TFCP2L1: variants seen among roughly 807,000 people sequenced by gnomAD.
The protein encoded by TFCP2L1 is transcription factor CP2 like 1.
In TFCP2L1, 12 loss-of-function variants were observed where a neutral mutation model predicts 72.2. The ratio of observed to expected loss-of-function variants is 0.17; its 90% CI spans 0.11 to 0.27. TFCP2L1 has a LOEUF of 0.27. TFCP2L1 is among the 10% of genes least tolerant of loss of function. The probability of loss-of-function intolerance (pLI) is 1.00; values close to 1 mark genes in which losing one functional copy is unlikely to be tolerated. For synonymous variants in TFCP2L1, 260 were observed against 251.0 expected, an observed-to-expected ratio of 1.04 and a Z score of -0.34; for missense variants, 488 against 624.6, an observed-to-expected ratio of 0.78 and a Z score of 2.33.
chr2:121,239,690 C>T lies in TFCP2L1; in HGVS notation c.769-41G>A, dbSNP rs373429177. ...CAGGGCGAGCTGGGATCTGGAGAGGCGCTGAGCCGTGCTCCCCAGGTCCTC... is the reference window on the plus strand; with the variant it reads ...CAGGGCGAGCTGGGATCTGGAGAGGTGCTGAGCCGTGCTCCCCAGGTCCTC... On this transcript the variant is annotated intron_variant, in intron 7 of 14. Coordinates refer to ENST00000263707, the MANE Select transcript of TFCP2L1 (RefSeq NM_014553.3). 162 of 1,584,978 alleles carry T rather than the reference C, an allele frequency of 1.0e-4. 1 individual carries two copies. The highest frequency in any genetic ancestry group is 2.0e-4 in the South Asian group (18 of 88,180).
intron 2 of TFCP2L1, among the ~76,000 whole-genome samples, chr2:121,273,438 T>C (rs1158399515): frequency 2.6e-5 from 4 of 152,188 alleles, no homozygotes; most frequent in Non-Finnish European, 4.4e-5. Flanking sequence ...CAAACCTCTG[T>C]TCAACTCTCT....
intron 2 of TFCP2L1, among the ~76,000 whole-genome samples, chr2:121,259,791 C>A (rs184930006): frequency 2.0e-3 from 306 of 152,104 alleles, no homozygotes; most frequent in Non-Finnish European, 2.8e-3. Flanking sequence ...TAACAATGGG[C>A]AGAGAAGGAC....
chr2:121,266,004 C>T lies in TFCP2L1; in HGVS notation c.214+15116G>A, dbSNP rs12992723. 5.4e-3 allele frequency among the ~76,000 whole-genome samples: 817 copies of T among 151,490 alleles called. 1 individual carries two copies. Among genetic ancestry groups the T allele is most frequent in the Middle Eastern group, 0.017 (5 of 294 alleles). On this transcript the variant is annotated intron_variant, in intron 2 of 14. Coordinates refer to ENST00000263707, the MANE Select transcript of TFCP2L1 (RefSeq NM_014553.3). ...CCTCAGTCTCCTGAGTAGCTAGGAC[C>T]ACAGATTTGTGCCACCACACCTGGC...
intron 2 of TFCP2L1, among the ~76,000 whole-genome samples, chr2:121,270,937 C>T (rs1687034969): frequency 6.7e-6 from 1 of 149,286 alleles, no homozygotes; most frequent in African/African-American, 2.5e-5. Flanking sequence ...CACCTGTAAT[C>T]CCAACACTTT....
chr2:121,230,887 G>A (rs1214428275), intron 13 of TFCP2L1, among the ~76,000 whole-genome samples: 5 of 152,130 alleles, frequency 3.3e-5, no homozygotes, highest in Non-Finnish European at 7.3e-5. Context: ...ACCAGCCTGG[G>A]CAATGCAGCG....
chr2:121,216,716 T>C lies in TFCP2L1; in HGVS notation c.*7625A>G, dbSNP rs1180682072. ...TATTTCAGGTACAAAAACATGGCAG[T>C]AGGACAACTTTGAGCTCAACGCCCA... On this transcript the variant is annotated 3_prime_UTR_variant, in exon 15 of 15. Transcript: ENST00000263707. 1 of 152,138 alleles carries C rather than the reference T, an allele frequency of 6.6e-6. No individual in the cohort carries two copies. Among genetic ancestry groups the C allele is most frequent in the Non-Finnish European group, 1.5e-5 (1 of 68,030 alleles). The allele number at this position is 152,138 out of a possible 1,614,324, so 9.4% of individuals were successfully genotyped here.
chr2:121,271,603 C>T (rs1327877538), intron 2 of TFCP2L1, among the ~76,000 whole-genome samples: 3 of 152,168 alleles, frequency 2.0e-5, no homozygotes, highest in Admixed American at 6.5e-5. Flanking sequence ...TAATCCTTTG[C>T]CTCATTCCTT....
chr2:121,225,536 A>G lies in TFCP2L1; in HGVS notation c.1393+26T>C, dbSNP rs1450184481. 4 of 1,612,562 alleles carry G rather than the reference A, an allele frequency of 2.5e-6. No homozygotes were observed. In the African/African-American group the frequency reaches 4.0e-5, roughly 16 times the overall value. ...CACCCTCTCACCTGCCCCCACAACT[A>G]CCCTAGGGGGAGGGGGAGGCTTCAC... On this transcript the variant is annotated intron_variant, in intron 14 of 14. Coordinates refer to ENST00000263707, the MANE Select transcript of TFCP2L1 (RefSeq NM_014553.3).
chr2:121,255,211 GCA>G (rs1194188056), intron 2 of TFCP2L1, among the ~76,000 whole-genome samples: 2 of 152,206 alleles, frequency 1.3e-5, no homozygotes, highest in African/African-American at 4.8e-5. Context: ...CTTCCATTCT[GCA>G]CACAGATTAA....
Position 121,242,398 on chromosome 2 carries a change from C to G in TFCP2L1, c.729G>C (p.Glu243Asp), listed in dbSNP as rs745823311. 5 of 1,614,212 alleles carry G rather than the reference C, an allele frequency of 3.1e-6. No homozygotes were observed. Among genetic ancestry groups the G allele is most frequent in the Non-Finnish European group, 4.2e-6 (5 of 1,180,028 alleles). The change falls in exon 7 of 15, where the codon GAG becomes GAC. Residue 243 changes from glutamate to aspartate, a missense_variant. Around this residue, in one of 3 missense-constraint regions of TFCP2L1, gnomAD observed 286 missense variants for 329.0 expected, o/e 0.87. Coordinates refer to ENST00000263707, the MANE Select transcript of TFCP2L1 (RefSeq NM_014553.3). ...TGGTTTCATAGGACGGCTGGTATTT[C>G]TCCTTCTCTTGGGCAGTTCTTTTCT... ...KMEKRTAQEK[E>D]KYQPSYETTI...
chr2:121,251,233 G>A (rs1267089678), intron 2 of TFCP2L1, among the ~76,000 whole-genome samples: 2 of 151,904 alleles, frequency 1.3e-5, no homozygotes, highest in African/African-American at 4.8e-5. Flanking sequence ...TCCAGCCTGG[G>A]CGAGAGAGTG....
intron 10 of TFCP2L1, among the ~76,000 whole-genome samples, chr2:121,235,794 C>G (rs1686237663): frequency 6.6e-6 from 1 of 151,750 alleles, no homozygotes; most frequent in African/African-American, 2.4e-5. Context: ...ATGTGTGCAT[C>G]TGTCTGTATG....
intron 13 of TFCP2L1, among the ~76,000 whole-genome samples, chr2:121,228,199 T>G (rs773347738): frequency 7.9e-5 from 12 of 152,244 alleles, no homozygotes; most frequent in Non-Finnish European, 1.5e-4. Context: ...TTCACTTGCT[T>G]CACTGCCTAC....
intron 2 of TFCP2L1, among the ~76,000 whole-genome samples, chr2:121,274,998 T>C (rs890969285): frequency 2.6e-5 from 4 of 152,030 alleles, no homozygotes; most frequent in African/African-American, 7.2e-5. Context: ...TTCCATTCTA[T>C]TATGGGAGGC....
chr2:121,256,560 T>C (rs1315471976), intron 2 of TFCP2L1, among the ~76,000 whole-genome samples: 1 of 152,108 alleles, frequency 6.6e-6, no homozygotes, highest in African/African-American at 2.4e-5. Flanking sequence ...GGAGATCACC[T>C]GAAGCCAGGA....
intron 2 of TFCP2L1, among the ~76,000 whole-genome samples, chr2:121,266,555 A>AAG (rs1686934487): frequency 6.6e-6 from 1 of 152,236 alleles, no homozygotes; most frequent in Non-Finnish European, 1.5e-5. Context: ...GGTTCCAGGC[A>AAG]GGCAGTTGCA....
intron 2 of TFCP2L1, among the ~76,000 whole-genome samples, chr2:121,275,549 A>G (rs975475790): frequency 2.0e-5 from 3 of 151,756 alleles, no homozygotes; most frequent in African/African-American, 7.3e-5. Context: ...TTTTTTTAAG[A>G]AAAAGTATAG....
chr2:121,248,895 GCA>G, intron 4 of TFCP2L1, 85 bp downstream of exon 4: 1 of 1,090,212 alleles, frequency 9.2e-7, no homozygotes, highest in South Asian at 1.7e-5. Context: ...CGCCTTCTCG[GCA>G]TAGGTCCGGG....
At chr2:121,243,109 G>A (rs149935260) in intron 6 of TFCP2L1, among the ~76,000 whole-genome samples, 6 of 152,334 alleles carry the variant, frequency 3.9e-5, no homozygotes, top group South Asian at 2.1e-4. Context: ...GTGCTGCATC[G>A]CAGGCTGGCC....
Sources: gnomAD v4.1 joint callset for allele counts (sites outside exome capture counted in the v4.1 genomes callset) on GRCh38, gnomAD v4.1.1 for gene constraint, gnomAD v4.1.1 regional missense constraint, MANE v1.5 for transcripts, NCBI Gene and HGNC (gene_info 2026-07-23, HGNC 2026-07-21) for gene names.